FMO1: variants seen among roughly 807,000 people sequenced by gnomAD.
FMO1 encodes flavin containing dimethylaniline monoxygenase 1, also known as flavin-containing monooxygenase 1.
A neutral mutation model predicts 45.4 loss-of-function variants in FMO1; 36 were observed. That is an observed-to-expected ratio of 0.79 (90% CI 0.61 to 1.05). The LOEUF (loss-of-function observed/expected upper bound fraction) is 1.05, where lower values mean the gene tolerates loss of function less well. Ranked by LOEUF, FMO1 falls within the 50% of genes least tolerant of loss-of-function variation. The pLI is 0.00. For synonymous variants in FMO1, 228 were observed against 227.2 expected (o/e 1.00, Z -0.03); for missense variants, 615 against 640.3 (o/e 0.96, Z 0.43).
chr1:171,270,832 A>G (rs1450868214), intron 3 of FMO1: 5 of 747,112 alleles, frequency 6.7e-6, no homozygotes, highest in South Asian at 2.0e-5. Context: ...AAGACACTGT[A>G]CAGTTTAAAA....
chr1:171,265,926 C>A (rs375594675), intron 2 of FMO1, among the ~76,000 whole-genome samples: 1 of 152,140 alleles, frequency 6.6e-6, no homozygotes, highest in African/African-American at 2.4e-5. Context: ...ATTTTTAAAC[C>A]AGTCTCAGCA....
At chr1:171,251,351 T>C (rs1378638327) in intron 1 of FMO1, among the ~76,000 whole-genome samples, 1 of 151,476 alleles carries the variant, frequency 6.6e-6, no homozygotes. Flanking sequence ...TGTGTGTCAA[T>C]GTACGTTTAT....
intron 5 of FMO1, 139 bp from the exon 6 acceptor site, chr1:171,280,647 G>A (rs189533377): frequency 1.5e-6 from 1 of 658,334 alleles, no homozygotes; most frequent in East Asian, 2.7e-5. Flanking sequence ...GAAGAACCAA[G>A]ACTATCTTGT....
intron 2 of FMO1, among the ~76,000 whole-genome samples, chr1:171,265,691 G>A (rs1033304966): frequency 3.3e-5 from 5 of 151,028 alleles, no homozygotes; most frequent in Admixed American, 6.6e-5. Context: ...TTAAACACTC[G>A]TAGACACATT....
chr1:171,283,305 A>G (rs1246662094), intron 8 of FMO1, 89 bp downstream of exon 8: 1 of 567,696 alleles, frequency 1.8e-6, no homozygotes, highest in Non-Finnish European at 2.8e-6. Context: ...AAAGGAAATG[A>G]AAAAGAAAAA....
chr1:171,249,033 G>A (rs561551238), intron 1 of FMO1, among the ~76,000 whole-genome samples: 1 of 151,676 alleles, frequency 6.6e-6, no homozygotes, highest in East Asian at 2.0e-4. Context: ...GTTTTTGAAG[G>A]GTGACTACCA....
chr1:171,271,044 C>A, intron 3 of FMO1: 1 of 1,011,630 alleles, frequency 9.9e-7, no homozygotes, highest in Non-Finnish European at 1.5e-6. Flanking sequence ...CCTTCTTTTT[C>A]TTGCTTTTTT....
At chr1:171,280,298 A>C (rs181959235) in intron 5 of FMO1, among the ~76,000 whole-genome samples, 2 of 152,364 alleles carry the variant, frequency 1.3e-5, no homozygotes, top group Non-Finnish European at 2.9e-5. Flanking sequence ...TAGCTTTGTG[A>C]ATTCGGTCAA....
At chr1:171,271,546 A>G in intron 3 of FMO1, 2 of 828,764 alleles carry the variant, frequency 2.4e-6, no homozygotes, top group Admixed American at 1.7e-5. Flanking sequence ...AATGCATATG[A>G]TGACATTTTG....
chr1:171,264,407 G>T (rs114581402), intron 2 of FMO1, among the ~76,000 whole-genome samples: 1 of 149,792 alleles, frequency 6.7e-6, no homozygotes, highest in East Asian at 1.9e-4. Flanking sequence ...TATATTTTGG[G>T]TATATTGAGT....
At chr1:171,271,998 A>G (rs149371752) in intron 3 of FMO1, among the ~76,000 whole-genome samples, 2,904 of 152,372 alleles carry the variant, frequency 0.019, 100 homozygotes, top group African/African-American at 0.066. Flanking sequence ...AGGGCATGTC[A>G]GAGGTGTTCA....
chr1:171,281,037 G>C, intron 6 of FMO1, 52 bp downstream of exon 6: 1 of 1,482,774 alleles, frequency 6.7e-7, no homozygotes, highest in Non-Finnish European at 9.4e-7. Flanking sequence ...GCCTCTGCCT[G>C]TCCAGCAGCC....
In FMO1 at chr1:171,282,085, T is replaced by C; in HGVS notation, c.935T>C (p.Ile312Thr). The C allele has an allele frequency of 6.2e-7, 1 of 1,613,886 alleles. No homozygotes were observed. The highest frequency in any genetic ancestry group is 1.3e-5 in the African/African-American group (1 of 75,034). ...AAAGAGGTAAAGGAAAACTCTGTCA[T>C]ATTTAACAATACTTCAAAGGAAGAG... ...SIKEVKENSV[I>T]FNNTSKEEPI... is the part of the protein sequence containing the mutation. The change falls in exon 7 of 9, where the codon ATA becomes ACA. Residue 312 changes from isoleucine (I) to threonine (T), a missense_variant. Physicochemically the swap from Ile to Thr is moderately conservative, Grantham distance 89 (BLOSUM62 -1). Coordinates refer to ENST00000617670, the MANE Select transcript of FMO1 (RefSeq NM_001282693.2).
chr1:171,271,004 C>G lies in FMO1; in HGVS notation c.321+3273C>G, dbSNP rs1660837229. Reference sequence around the variant, plus strand: ...TCTTCATCTACCTCCTCATCATAATCTTCTTCATCTTCCTCATCTTCCTCC... The same window carrying G: ...TCTTCATCTACCTCCTCATCATAATGTTCTTCATCTTCCTCATCTTCCTCC... On this transcript the variant is annotated intron_variant, in intron 3 of 8. Coordinates refer to ENST00000617670, the MANE Select transcript of FMO1 (RefSeq NM_001282693.2). 3 of 968,672 alleles carry G rather than the reference C, an allele frequency of 3.1e-6. No homozygotes were observed. The African/African-American group carries it at 4.8e-5, about 16-fold the overall frequency. 60.0% of individuals were successfully genotyped at this position (968,672 alleles called of 1,614,324 possible).
At chr1:171,266,445 C>T (rs137940225) in intron 2 of FMO1, among the ~76,000 whole-genome samples, 2 of 152,138 alleles carry the variant, frequency 1.3e-5, no homozygotes, top group African/African-American at 2.4e-5. Context: ...AGTCATCTTT[C>T]GCAAGCATTT....
At position 171,282,210 on chromosome 1, in the gene FMO1, A is replaced by C; in HGVS notation, c.1060A>C (p.Lys354Gln). ...KVEDGQASLYKYIFPAHLQKP... is the reference protein window; with the variant it reads ...KVEDGQASLYQYIFPAHLQKP... ...TGAAGATGGCCAGGCCTCACTGTAC[A>C]AGTATATCTTCCCTGCACATCTGCA... Residue 354 changes from lysine (K) to glutamine (Q), a missense_variant, in exon 7 of 9, where the codon AAG (lysine) becomes CAG (glutamine). Transcript: ENST00000617670. 6.2e-7 allele frequency: 1 copy of C among 1,614,022 alleles called. No individual in the cohort carries two copies. Among genetic ancestry groups the C allele is most frequent in the Non-Finnish European group, 8.5e-7 (1 of 1,179,918 alleles).
chr1:171,283,141 C>G lies in FMO1; in HGVS notation c.1184-3C>G. 6.7e-7 allele frequency: 1 copy of G among 1,501,304 alleles called. No homozygotes were observed. The highest frequency in any genetic ancestry group is 1.2e-5 in the South Asian group (1 of 85,462). 93.0% of individuals were successfully genotyped at this position (1,501,304 alleles called of 1,614,324 possible). On this transcript the variant is annotated splice_polypyrimidine_tract_variant and splice_region_variant and intron_variant, in intron 7 of 8. Transcript: ENST00000617670. The stretch of plus-strand genomic sequence containing the variant: ...ATTTGAGGTTTTTATTTTAATCCTA[C>G]AGGTGTAAATAAGTTACCACCACCA...
At chr1:171,278,996 A>G in intron 5 of FMO1, 125 bp downstream of exon 5, 1 of 751,112 alleles carries the variant, frequency 1.3e-6, no homozygotes, top group Non-Finnish European at 1.9e-6. Context: ...ACAGATTACT[A>G]AGGAATTTAA....
chr1:171,263,819 G>A lies in FMO1; in HGVS notation c.133-3724G>A, dbSNP rs1660484808. Among the ~76,000 whole-genome samples the A allele has an allele frequency of 2.0e-5, 3 of 152,156 alleles. No homozygotes were observed. The South Asian group carries it at 6.2e-4, about 32-fold the overall frequency. On this transcript the variant is annotated intron_variant, in intron 2 of 8. Transcript: ENST00000617670. ...GGTGGGAGGGTGCAGTGTGGGTATT[G>A]AAGGCTGGCAGGGCCTGGGAATCAC...
Sources: gnomAD v4.1 joint callset for allele counts (sites outside exome capture counted in the v4.1 genomes callset) on GRCh38, gnomAD v4.1.1 for gene constraint, MANE v1.5 for transcripts, NCBI Gene and HGNC (gene_info 2026-07-23, HGNC 2026-07-21) for gene names.